Variants in KNTC1 observed in about 807,000 individuals in gnomAD.
The protein encoded by KNTC1 is kinetochore-associated protein 1.
KNTC1 carries 253 observed loss-of-function variants against 314.4 expected under a neutral mutation model. That is an observed-to-expected ratio of 0.80 (90% CI 0.73 to 0.89). The LOEUF (loss-of-function observed/expected upper bound fraction) is 0.89, where lower values mean the gene tolerates loss of function less well. KNTC1 is among the 40% of genes least tolerant of loss of function. KNTC1 has a pLI of 0.00. For missense variants in KNTC1, 2,475 were observed against 2,572.9 expected, an observed-to-expected ratio of 0.96 and a Z score of 0.82; for synonymous variants, 901 against 901.4, an observed-to-expected ratio of 1.00 and a Z score of 0.01.
Position 122,528,987 on chromosome 12 carries a change from C to T in KNTC1, c.-73-1004C>T, listed in dbSNP as rs1319609142. On this transcript the variant is annotated intron_variant, in intron 1 of 63. Transcript: ENST00000333479. The stretch of plus-strand genomic sequence containing the variant: ...CCTCCTGAGTAGCTGGGATTACAGG[C>T]GCACACCACCACGCCCGGCTAATTT... Among the ~76,000 whole-genome samples, 10 of 152,168 alleles carry T rather than the reference C, an allele frequency of 6.6e-5. No homozygotes were observed. The East Asian group carries it at 1.5e-3, about 23-fold the overall frequency.
chr12:122,548,423 C>T (rs116260152), intron 12 of KNTC1, among the ~76,000 whole-genome samples: 1,623 of 151,994 alleles, frequency 0.011, 28 homozygotes, highest in African/African-American at 0.038. Flanking sequence ...TTGGCCAGGC[C>T]GGTCTCTATC....
chr12:122,555,156 A>G (rs1963494259), intron 16 of KNTC1, among the ~76,000 whole-genome samples: 2 of 152,206 alleles, frequency 1.3e-5, no homozygotes, highest in Admixed American at 6.5e-5. Context: ...GGATATTAGT[A>G]CTTACCCCAT....
At chr12:122,584,131 CA>C in intron 34 of KNTC1, 146 bp from the exon 35 acceptor site, 1 of 645,446 alleles carries the variant, frequency 1.5e-6, no homozygotes, top group South Asian at 2.1e-5. Context: ...CTCAAAAAAA[CA>C]AAAGAAAAAC....
At chr12:122,622,040 C>A in intron 61 of KNTC1, 70 bp downstream of exon 61, 2 of 1,075,498 alleles carry the variant, frequency 1.9e-6, no homozygotes, top group Non-Finnish European at 2.8e-6. Flanking sequence ...TTTCCCAAAC[C>A]AAGAGTAAGC....
intron 1 of KNTC1, among the ~76,000 whole-genome samples, chr12:122,528,442 C>G (rs1960969643): frequency 6.6e-6 from 1 of 152,152 alleles, no homozygotes; most frequent in South Asian, 2.1e-4. Flanking sequence ...AAGCATTGTT[C>G]TGTGAACATT....
chr12:122,546,853 A>G (rs1180405575), intron 10 of KNTC1, among the ~76,000 whole-genome samples, 179 bp downstream of exon 10: 3 of 144,852 alleles, frequency 2.1e-5, no homozygotes, highest in Non-Finnish European at 1.5e-5. Flanking sequence ...TTTTTTTGAG[A>G]TAGAGTTTCG....
At position 122,587,761 on chromosome 12, in the gene KNTC1, A is replaced by C. The variant is rs1235059482; in HGVS notation, c.3781A>C (p.Asn1261His). The change falls in exon 39 of 64, where the codon AAT (asparagine) becomes CAT (histidine). Residue 1261 changes from asparagine to histidine, a missense_variant. Physicochemically the swap from Asn to His is moderately conservative, Grantham distance 68. Transcript: ENST00000333479. ...AAATTCCATCTCTGCCCTGCTTCAG[A>C]ATCTTCAGGAATCTAGCCAGTGGGA... ...VINSISALLQ[N>H]LQESSQWELA... The C allele has an allele frequency of 2.5e-6, 4 of 1,613,770 alleles. No individual in the cohort carries two copies. The highest frequency in any genetic ancestry group is 3.4e-6 in the Non-Finnish European group (4 of 1,179,836).
chr12:122,539,337 T>C (rs1962098799), intron 4 of KNTC1, among the ~76,000 whole-genome samples: 1 of 152,112 alleles, frequency 6.6e-6, no homozygotes, highest in Non-Finnish European at 1.5e-5. Flanking sequence ...TATTTTAAAT[T>C]AAAAAAATGT....
intron 24 of KNTC1, among the ~76,000 whole-genome samples, chr12:122,571,570 G>A (rs562236930): frequency 3.3e-4 from 50 of 152,144 alleles, no homozygotes; most frequent in Non-Finnish European, 6.6e-4. Context: ...TGTTGCCCAG[G>A]TTGGTCTTGA....
chr12:122,603,967 T>C (rs976211757), intron 48 of KNTC1, among the ~76,000 whole-genome samples: 1 of 152,154 alleles, frequency 6.6e-6, no homozygotes, highest in Admixed American at 6.5e-5. Flanking sequence ...CGAAATATTA[T>C]GGGGCTGATT....
At chr12:122,532,476 G>C (rs1193514315) in intron 2 of KNTC1, among the ~76,000 whole-genome samples, 9 of 151,926 alleles carry the variant, frequency 5.9e-5, no homozygotes, top group Admixed American at 5.9e-4. Flanking sequence ...CAAAGTTCTG[G>C]GATTACAGGT....
At chr12:122,543,747 A>G (rs1962532069) in intron 7 of KNTC1, 113 bp downstream of exon 7, 2 of 648,410 alleles carry the variant, frequency 3.1e-6, no homozygotes, top group African/African-American at 1.9e-5. Flanking sequence ...AATTATTATG[A>G]TATAACATTT....
chr12:122,603,005 A>G (rs543667002), intron 47 of KNTC1, 22 bp from the exon 48 acceptor site: 10 of 1,605,412 alleles, frequency 6.2e-6, no homozygotes, highest in Non-Finnish European at 7.7e-6. Context: ...TGCTTCAGCC[A>G]TAACCTTCCT....
intron 33 of KNTC1, 25 bp downstream of exon 33, chr12:122,580,695 C>T (rs377322046): frequency 3.3e-4 from 476 of 1,445,326 alleles, no homozygotes; most frequent in Non-Finnish European, 4.2e-4. Flanking sequence ...CCATGTTAAA[C>T]ATTATTACTT....
rs773272851 is a variant in KNTC1 at position 122,587,788 on chromosome 12, C to T, written c.3808C>T (p.Leu1270=). The change falls in exon 39 of 64, where the codon CTA becomes TTA. Residue 1270 remains leucine, a synonymous_variant. Coordinates refer to ENST00000333479, the MANE Select transcript of KNTC1 (RefSeq NM_014708.6). The part of the protein sequence containing the change: ...QNLQESSQWE[L]ALRFVVGSFG... ...TCTTCAGGAATCTAGCCAGTGGGAG[C>T]TAGCCCTAAGATTTGTGGTTGGTTC... is the stretch of plus-strand genomic sequence containing the variant. 1.7e-5 allele frequency: 27 copies of T among 1,613,518 alleles called. No homozygotes were observed. The East Asian group carries it at 5.8e-4, about 35-fold the overall frequency.
chr12:122,604,173 T>C (rs1482803391), intron 48 of KNTC1, among the ~76,000 whole-genome samples: 1 of 148,850 alleles, frequency 6.7e-6, no homozygotes, highest in Non-Finnish European at 1.5e-5. Flanking sequence ...GTGGGCTTTT[T>C]TTTTTTTTTT....
chr12:122,589,818 C>T (rs932241557), intron 40 of KNTC1, among the ~76,000 whole-genome samples: 3 of 142,646 alleles, frequency 2.1e-5, no homozygotes, highest in Non-Finnish European at 4.5e-5. Flanking sequence ...GAGTCTCGCA[C>T]TCTCATCCAG....
chr12:122,603,010 C>A lies in KNTC1; in HGVS notation c.4885-17C>A. On this transcript the variant is annotated splice_polypyrimidine_tract_variant and intron_variant, in intron 47 of 63. Coordinates refer to ENST00000333479, the MANE Select transcript of KNTC1 (RefSeq NM_014708.6). ...TGTGAATATGTGCTTCAGCCATAAC[C>A]TTCCTTTTCTTTGAAGTTCTCTCTG... 1 of 1,608,194 alleles carries A rather than the reference C, an allele frequency of 6.2e-7. No homozygotes were observed. The highest frequency in any genetic ancestry group is 8.5e-7 in the Non-Finnish European group (1 of 1,175,718).
chr12:122,594,311 C>T lies in KNTC1; in HGVS notation c.4281C>T (p.Leu1427=). 3 of 1,610,468 alleles carry T rather than the reference C, an allele frequency of 1.9e-6. No individual in the cohort carries two copies. The South Asian group carries it at 3.3e-5, about 18-fold the overall frequency. The change falls in exon 43 of 64, where the codon CTC becomes CTT. Residue 1427 remains leucine, a synonymous_variant. Coordinates refer to ENST00000333479, the MANE Select transcript of KNTC1 (RefSeq NM_014708.6). ...AACCAGTTTTCAGGCAACATTTTCT[C>T]ACCAAGAAAGACCTCATTAAAGCTC... The part of the protein sequence containing the change: ...SFQPVFRQHF[L]TKKDLIKALV...
Sources: allele counts gnomAD v4.1 joint callset (sites outside exome capture counted in the v4.1 genomes callset), GRCh38; gene constraint gnomAD v4.1.1; transcripts MANE v1.5; gene names NCBI Gene and HGNC (gene_info 2026-07-23, HGNC 2026-07-21).